The following FAM149B1 variants were observed in gnomAD, a reference collection of about 807,000 sequenced individuals.
The protein encoded by FAM149B1 is primary cilium assembly protein FAM149B1.
In FAM149B1, 56 loss-of-function variants were observed where a neutral mutation model predicts 75.3. The ratio of observed to expected loss-of-function variants is 0.74; its 90% CI spans 0.60 to 0.93. The LOEUF is 0.93. Ranked by LOEUF, FAM149B1 falls within the 40% of genes least tolerant of loss-of-function variation. The probability of loss-of-function intolerance (pLI) is 0.00; values close to 1 mark genes in which losing one functional copy is unlikely to be tolerated. For synonymous variants in FAM149B1, 259 were observed against 256.1 expected (o/e 1.01, Z -0.11); for missense variants, 639 against 708.4 (o/e 0.90, Z 1.11).
chr10:73,169,724 A>G (rs1843625991), intron 1 of FAM149B1, among the ~76,000 whole-genome samples: 1 of 152,212 alleles, frequency 6.6e-6, no homozygotes, highest in African/African-American at 2.4e-5. Flanking sequence ...TTGGCCTCCC[A>G]AAGTGTTGGC....
chr10:73,195,673 C>A (rs1458710416), intron 5 of FAM149B1, among the ~76,000 whole-genome samples: 7 of 152,168 alleles, frequency 4.6e-5, no homozygotes, highest in Admixed American at 2.0e-4. Context: ...ACTATATCAC[C>A]ATTCTGCAAC....
At chr10:73,199,563 G>T (rs1460800189) in intron 5 of FAM149B1, among the ~76,000 whole-genome samples, 2 of 151,450 alleles carry the variant, frequency 1.3e-5, no homozygotes, top group East Asian at 1.9e-4. Context: ...AGGAGACAGG[G>T]TCTCACTATG....
rs370222929 is a variant in FAM149B1, at chr10:73,188,944, A to C, written c.283-3612A>C. Among the ~76,000 whole-genome samples the C allele has an allele frequency of 8.9e-4, 136 of 151,992 alleles. 2 individuals are homozygous for C. The East Asian group carries it at 0.024, about 27-fold the overall frequency. On this transcript the variant is annotated intron_variant, in intron 3 of 13. Coordinates refer to ENST00000242505, the MANE Select transcript of FAM149B1 (RefSeq NM_173348.2). ...CACAGTGGCTTGTGCCTGTAACCCC[A>C]ACACTTTGAGAGGCTGAGGCCACCA...
At chr10:73,198,883 C>T (rs1232148599) in intron 5 of FAM149B1, among the ~76,000 whole-genome samples, 1 of 152,088 alleles carries the variant, frequency 6.6e-6, no homozygotes, top group East Asian at 1.9e-4. Flanking sequence ...ATGCAAATGG[C>T]CAACAAGTGC....
intron 2 of FAM149B1, among the ~76,000 whole-genome samples, chr10:73,175,669 CAA>C (rs779685127): frequency 1.1e-4 from 7 of 64,920 alleles, no homozygotes; most frequent in Admixed American, 1.8e-4. Context: ...GACTCCTTCT[CAA>C]AAAAAAAAAA....
chr10:73,170,535 T>C (rs996481361), intron 1 of FAM149B1, among the ~76,000 whole-genome samples: 9 of 147,254 alleles, frequency 6.1e-5, no homozygotes, highest in Admixed American at 1.3e-4. Flanking sequence ...AAAATAAGAA[T>C]AAAGTGATGG....
At chr10:73,207,155 G>T (rs2133362929) in intron 5 of FAM149B1, among the ~76,000 whole-genome samples, 1 of 152,284 alleles carries the variant, frequency 6.6e-6, no homozygotes, top group South Asian at 2.1e-4. Flanking sequence ...TAGGGGGTTG[G>T]AGGCCCCACA....
chr10:73,199,362 C>T (rs551456342), intron 5 of FAM149B1, among the ~76,000 whole-genome samples: 21 of 152,014 alleles, frequency 1.4e-4, no homozygotes, highest in East Asian at 3.9e-4. Flanking sequence ...GGACTACAGG[C>T]GCCCACCACC....
chr10:73,234,719 A>T, intron 10 of FAM149B1, 98 bp from the exon 11 acceptor site: 1 of 1,331,870 alleles, frequency 7.5e-7, no homozygotes, highest in Non-Finnish European at 1.0e-6. Flanking sequence ...TGTGCACATT[A>T]AACTCATCTG....
At chr10:73,178,255 G>A (rs527571264) in intron 3 of FAM149B1, among the ~76,000 whole-genome samples, 1 of 152,202 alleles carries the variant, frequency 6.6e-6, no homozygotes, top group South Asian at 2.1e-4. Flanking sequence ...ACTTTGGGAG[G>A]CCGAGGCGGG....
chr10:73,239,263 C>A, intron 12 of FAM149B1, 49 bp from the exon 13 acceptor site: 1 of 1,453,134 alleles, frequency 6.9e-7, no homozygotes, highest in Non-Finnish European at 9.4e-7. Context: ...AAATATTATC[C>A]TTTGTGAGAA....
rs777903300 is a variant in FAM149B1, at chr10:73,208,732, T to C, written c.656T>C (p.Ile219Thr). ...CSMERDEEDS[I>T]IVSEGIIEEY... ...ATGGAAAGAGATGAGGAAGACTCTA[T>C]AATCGTCTCAGAAGGAATAATTGAG... Residue 219 changes from isoleucine (I) to threonine (T), a missense_variant, in exon 6 of 14, where the codon ATA becomes ACA. Physicochemically the swap from Ile to Thr is moderately conservative, Grantham distance 89. Coordinates refer to ENST00000242505, the MANE Select transcript of FAM149B1 (RefSeq NM_173348.2). 1 of 1,544,868 alleles carries C rather than the reference T, an allele frequency of 6.5e-7. No individual in the cohort carries two copies. The highest frequency in any genetic ancestry group is 1.2e-5 in the South Asian group (1 of 82,918).
At chr10:73,236,544 G>T (rs1339865233) in intron 12 of FAM149B1, among the ~76,000 whole-genome samples, 1 of 151,404 alleles carries the variant, frequency 6.6e-6, no homozygotes, top group Non-Finnish European at 1.5e-5. Flanking sequence ...CTCCCGAATA[G>T]CTGGGACTAC....
intron 3 of FAM149B1, among the ~76,000 whole-genome samples, chr10:73,190,745 T>A (rs1418073571): frequency 6.7e-6 from 1 of 149,982 alleles, no homozygotes; most frequent in African/African-American, 2.5e-5. Context: ...TTTTAAGAGA[T>A]GAGGTCTCAC....
intron 7 of FAM149B1, among the ~76,000 whole-genome samples, chr10:73,211,095 T>G (rs764953652): frequency 6.6e-6 from 1 of 152,136 alleles, no homozygotes; most frequent in African/African-American, 2.4e-5. Flanking sequence ...AAGCTCCAAG[T>G]TGTGACCTGT....
At chr10:73,192,097 A>G (rs1258980616) in intron 3 of FAM149B1, 2 of 154,028 alleles carry the variant, frequency 1.3e-5, no homozygotes, top group Non-Finnish European at 2.8e-5. Context: ...ATGGAGTTTC[A>G]CTATGTTGGC....
In FAM149B1 at chr10:73,195,973, A is replaced by T. The variant is rs562420273; in HGVS notation, c.542+2380A>T. ...GTAACAACTACTTTGTTCATACTTTATATTTTCACTCGAGTACCATTATGA... is the reference window on the plus strand; with the variant it reads ...GTAACAACTACTTTGTTCATACTTTTTATTTTCACTCGAGTACCATTATGA... On this transcript the variant is annotated intron_variant, in intron 5 of 13. Transcript: ENST00000242505. Among the ~76,000 whole-genome samples the T allele has an allele frequency of 3.9e-5, 6 of 152,334 alleles. No individual in the cohort carries two copies. The East Asian group carries it at 9.6e-4, about 24-fold the overall frequency.
rs533933154 is a variant in FAM149B1 at position 73,240,505 on chromosome 10, T to G, written c.1676-441T>G. On this transcript the variant is annotated intron_variant, in intron 13 of 13. Coordinates refer to ENST00000242505, the MANE Select transcript of FAM149B1 (RefSeq NM_173348.2). The stretch of plus-strand genomic sequence containing the variant: ...AGGCGGGCGGATCACGAGGTCAGCA[T>G]ATTGAGACCATCCTGGCTAACATGG... Among the ~76,000 whole-genome samples the G allele has an allele frequency of 2.7e-3, 404 of 152,120 alleles. 1 individual carries two copies. Among genetic ancestry groups the G allele is most frequent in the Middle Eastern group, 6.8e-3 (2 of 294 alleles).
intron 2 of FAM149B1, among the ~76,000 whole-genome samples, chr10:73,175,578 G>A (rs1843922088): frequency 6.6e-6 from 1 of 150,440 alleles, no homozygotes; most frequent in Non-Finnish European, 1.5e-5. Flanking sequence ...GCTGAGGCAG[G>A]AGAATGGCAT....
Sources: allele counts gnomAD v4.1 joint callset (sites outside exome capture counted in the v4.1 genomes callset), GRCh38; gene constraint gnomAD v4.1.1; transcripts MANE v1.5; gene names NCBI Gene and HGNC (gene_info 2026-07-23, HGNC 2026-07-21).